Variants in ZMIZ1 observed in about 807,000 individuals in gnomAD.
ZMIZ1 encodes the protein zinc finger MIZ domain-containing protein 1.
In ZMIZ1, 17 loss-of-function variants were observed where a neutral mutation model predicts 113.9. The observed-to-expected ratio is 0.15, with a 90% CI of 0.10 to 0.22. The LOEUF is 0.22. Ranked by LOEUF, ZMIZ1 falls within the 10% of genes least tolerant of loss-of-function variation. ZMIZ1 has a pLI of 1.00. For missense variants in ZMIZ1, 1,059 were observed against 1,477.8 expected (o/e 0.72, Z 4.65); for synonymous variants, 607 against 603.1 (o/e 1.01, Z -0.09).
intron 2 of ZMIZ1, among the ~76,000 whole-genome samples, chr10:79,129,484 A>T (rs1844658494): frequency 6.6e-6 from 1 of 152,026 alleles, no homozygotes; most frequent in Non-Finnish European, 1.5e-5. Flanking sequence ...CCCACACCTC[A>T]TAGGCCCCTC....
chr10:79,186,815 CA>C (rs1339943992), intron 4 of ZMIZ1, among the ~76,000 whole-genome samples: 3 of 152,214 alleles, frequency 2.0e-5, no homozygotes, highest in Non-Finnish European at 2.9e-5. Context: ...GACCCCGTGC[CA>C]CCCGCCAGGC....
intron 7 of ZMIZ1, among the ~76,000 whole-genome samples, chr10:79,252,488 A>C (rs1282251221): frequency 6.6e-6 from 1 of 151,922 alleles, no homozygotes; most frequent in Non-Finnish European, 1.5e-5. Context: ...CCTAAATAGA[A>C]ACCAGCCTCT....
intron 1 of ZMIZ1, among the ~76,000 whole-genome samples, chr10:79,107,837 G>A (rs1200534147): frequency 6.6e-6 from 1 of 152,212 alleles, no homozygotes; most frequent in Non-Finnish European, 1.5e-5. Flanking sequence ...TAGGGTGGAG[G>A]TGGGGTTGAG....
At chr10:79,124,767 G>A (rs1435747753) in intron 2 of ZMIZ1, among the ~76,000 whole-genome samples, 1 of 152,174 alleles carries the variant, frequency 6.6e-6, no homozygotes, top group African/African-American at 2.4e-5. Flanking sequence ...GTCTTCCTGG[G>A]GTCTCTGCAC....
At chr10:79,145,469 C>G (rs991190590) in intron 3 of ZMIZ1, among the ~76,000 whole-genome samples, 13 of 151,398 alleles carry the variant, frequency 8.6e-5, no homozygotes, top group African/African-American at 3.2e-4. Flanking sequence ...GGTTCAAATC[C>G]CACCCCACCC....
intron 23 of ZMIZ1, among the ~76,000 whole-genome samples, chr10:79,307,891 C>G (rs146046779): frequency 6.6e-6 from 1 of 152,304 alleles, no homozygotes; most frequent in African/African-American, 2.4e-5. Context: ...CCCTCTCCCT[C>G]TCCCACTTGC....
At chr10:79,091,983 G>A (rs1842994471) in intron 1 of ZMIZ1, among the ~76,000 whole-genome samples, 1 of 152,246 alleles carries the variant, frequency 6.6e-6, no homozygotes, top group East Asian at 1.9e-4. Context: ...TGTACTTCAG[G>A]ACCAACCAGG....
intron 7 of ZMIZ1, among the ~76,000 whole-genome samples, chr10:79,230,271 G>A (rs1033724894): frequency 4.0e-5 from 6 of 150,036 alleles, no homozygotes; most frequent in African/African-American, 1.5e-4. Context: ...CCACTGCTCC[G>A]TGCACCACAG....
intron 7 of ZMIZ1, among the ~76,000 whole-genome samples, chr10:79,248,594 C>T (rs891319005): frequency 6.6e-6 from 1 of 152,152 alleles, no homozygotes; most frequent in Non-Finnish European, 1.5e-5. Flanking sequence ...CCCCTGCTGA[C>T]GCAATGGAAA....
intron 4 of ZMIZ1, among the ~76,000 whole-genome samples, chr10:79,194,615 C>G (rs1454107504): frequency 6.6e-6 from 1 of 152,196 alleles, no homozygotes; most frequent in African/African-American, 2.4e-5. Flanking sequence ...CCAGAGATAT[C>G]CAGGGCTCTA....
chr10:79,158,680 G>A (rs1845993920), intron 3 of ZMIZ1, among the ~76,000 whole-genome samples: 1 of 152,190 alleles, frequency 6.6e-6, no homozygotes, highest in African/African-American at 2.4e-5. Context: ...GGGTCAACAT[G>A]ACCGAGTGCC....
intron 1 of ZMIZ1, among the ~76,000 whole-genome samples, chr10:79,108,430 G>A (rs972190134): frequency 6.6e-6 from 1 of 152,274 alleles, no homozygotes; most frequent in East Asian, 1.9e-4. Flanking sequence ...AGGTCCTAGG[G>A]TGCCAATTGC....
intron 1 of ZMIZ1, among the ~76,000 whole-genome samples, chr10:79,100,235 C>T (rs1843312790): frequency 6.6e-6 from 1 of 151,904 alleles, no homozygotes; most frequent in African/African-American, 2.4e-5. Flanking sequence ...TAGGGGAGGG[C>T]ATTCAAGGAG....
chr10:79,155,307 G>A (rs917860416), intron 3 of ZMIZ1, among the ~76,000 whole-genome samples: 8 of 152,182 alleles, frequency 5.3e-5, no homozygotes, highest in African/African-American at 1.7e-4. Context: ...TGGGGCAGTC[G>A]GGACAGCTTT....
intron 18 of ZMIZ1, among the ~76,000 whole-genome samples, chr10:79,303,719 A>C (rs571431668): frequency 2.4e-4 from 36 of 152,334 alleles, no homozygotes; most frequent in African/African-American, 8.4e-4. Context: ...TGAGCTTTGC[A>C]GACATGCCCC....
chr10:79,186,395 G>A (rs542209176), intron 4 of ZMIZ1, among the ~76,000 whole-genome samples: 8 of 152,346 alleles, frequency 5.3e-5, no homozygotes, highest in South Asian at 2.1e-4. Flanking sequence ...ACAGACTGGC[G>A]TGTCCCAGGC....
chr10:79,257,601 C>A (rs1041787159), intron 7 of ZMIZ1, among the ~76,000 whole-genome samples: 2 of 152,196 alleles, frequency 1.3e-5, no homozygotes, highest in African/African-American at 4.8e-5. Flanking sequence ...GGAAGAGAAG[C>A]CAGGCCTCAC....
chr10:79,275,389 G>C (rs927123174), intron 7 of ZMIZ1, among the ~76,000 whole-genome samples: 5 of 152,228 alleles, frequency 3.3e-5, no homozygotes, highest in African/African-American at 1.2e-4. Context: ...GGGAGAAACA[G>C]GGCCCCTCTT....
At chr10:79,102,228 C>T (rs757146662) in intron 1 of ZMIZ1, among the ~76,000 whole-genome samples, 39 of 152,354 alleles carry the variant, frequency 2.6e-4, no homozygotes, top group African/African-American at 7.9e-4. Flanking sequence ...GAGCAGAAGG[C>T]GTGCAGTGGG....
Sources: gnomAD v4.1 joint callset for allele counts (sites outside exome capture counted in the v4.1 genomes callset) on GRCh38, gnomAD v4.1.1 for gene constraint, MANE v1.5 for transcripts, NCBI Gene and HGNC (gene_info 2026-07-23, HGNC 2026-07-21) for gene names.